The following ADGRL3 variants were observed in gnomAD, a reference collection of about 807,000 sequenced individuals.
ADGRL3 encodes the protein calcium-independent alpha-latrotoxin receptor 3.
ADGRL3 carries 62 observed loss-of-function variants against 153.5 expected under a neutral mutation model. The observed-to-expected ratio is 0.40, with a 90% CI of 0.33 to 0.50. ADGRL3 has a LOEUF of 0.50. Among genes scored for constraint, ADGRL3 ranks in the 20% least tolerant of loss-of-function variants. The pLI is 0.47. For missense variants in ADGRL3, 1,641 were observed against 1,859.4 expected, an observed-to-expected ratio of 0.88 and a Z score of 2.16; for synonymous variants, 710 against 672.5, an observed-to-expected ratio of 1.06 and a Z score of -0.86.
chr4:61,480,771 A>C (rs1308208490), intron 2 of ADGRL3, among the ~76,000 whole-genome samples: 1 of 151,844 alleles, frequency 6.6e-6, no homozygotes, highest in African/African-American at 2.4e-5. Flanking sequence ...TGACAGAGGG[A>C]GACTCCTTCT....
chr4:61,733,565 C>A lies in ADGRL3; in HGVS notation c.1399+11C>A. 1.3e-6 allele frequency: 2 copies of A among 1,567,646 alleles called. No homozygotes were observed. Among genetic ancestry groups the A allele is most frequent in the Non-Finnish European group, 1.7e-6 (2 of 1,143,464 alleles). ...TGGATAGTAGATCAGGTAAGTTCAA[C>A]CTTTTGTGGTACTCTTTGGGGAAAT... On this transcript the variant is annotated intron_variant, in intron 8 of 26. Coordinates refer to ENST00000683033, the MANE Select transcript of ADGRL3 (RefSeq NM_001387552.1).
intron 8 of ADGRL3, among the ~76,000 whole-genome samples, chr4:61,760,439 G>A (rs111955479): frequency 0.087 from 13,245 of 152,184 alleles, 1,222 homozygotes; most frequent in African/African-American, 0.23. Flanking sequence ...GGCTCCGTGG[G>A]CGTAGGACCC....
At chr4:61,257,689 G>A (rs1309148981) in intron 1 of ADGRL3, among the ~76,000 whole-genome samples, 1 of 152,120 alleles carries the variant, frequency 6.6e-6, no homozygotes, top group East Asian at 1.9e-4. Context: ...GATATGATGA[G>A]TAACAGTTGA....
At chr4:61,522,643 T>C (rs2098537951) in intron 4 of ADGRL3, among the ~76,000 whole-genome samples, 2 of 152,080 alleles carry the variant, frequency 1.3e-5, no homozygotes. Flanking sequence ...TTGCACATTA[T>C]GAGATCACTA....
chr4:61,238,195 T>G (rs926828708), intron 1 of ADGRL3, among the ~76,000 whole-genome samples: 43 of 152,132 alleles, frequency 2.8e-4, no homozygotes, highest in Non-Finnish European at 2.6e-4. Flanking sequence ...CTGCAGCAAA[T>G]AGAACCACCG....
At chr4:61,848,114 A>T (rs1405987287) in intron 9 of ADGRL3, among the ~76,000 whole-genome samples, 70 of 111,124 alleles carry the variant, frequency 6.3e-4, no homozygotes, top group Middle Eastern at 7.8e-3. Context: ...TATAATATAT[A>T]TATTAGAGGA....
At chr4:61,469,358 A>C (rs776230740) in intron 2 of ADGRL3, among the ~76,000 whole-genome samples, 1 of 152,114 alleles carries the variant, frequency 6.6e-6, no homozygotes, top group Non-Finnish European at 1.5e-5. Context: ...ACCTTTGCCA[A>C]GTGTTTTGAG....
At chr4:61,763,075 T>A (rs2096931717) in intron 8 of ADGRL3, among the ~76,000 whole-genome samples, 1 of 152,190 alleles carries the variant, frequency 6.6e-6, no homozygotes, top group Non-Finnish European at 1.5e-5. Flanking sequence ...ACCACATTTC[T>A]CTTTTTAAAT....
chr4:61,719,459 A>G (rs189548805), intron 6 of ADGRL3, among the ~76,000 whole-genome samples: 23 of 152,324 alleles, frequency 1.5e-4, no homozygotes, highest in African/African-American at 5.1e-4. Flanking sequence ...TGCTTCTTCT[A>G]CAAGTGTACT....
chr4:61,726,200 T>A (rs2096334325), intron 6 of ADGRL3, among the ~76,000 whole-genome samples: 1 of 137,596 alleles, frequency 7.3e-6, no homozygotes, highest in Non-Finnish European at 1.6e-5. Flanking sequence ...TCACTGGAAC[T>A]TTTTTTTTTG....
chr4:61,963,847 G>T (rs1260080479), intron 17 of ADGRL3, among the ~76,000 whole-genome samples: 1 of 152,148 alleles, frequency 6.6e-6, no homozygotes, highest in African/African-American at 2.4e-5. Context: ...AGGTTCATCT[G>T]CAATTCTAGT....
intron 2 of ADGRL3, among the ~76,000 whole-genome samples, chr4:61,413,696 G>A (rs2097113205): frequency 6.6e-6 from 1 of 152,060 alleles, no homozygotes; most frequent in African/African-American, 2.4e-5. Context: ...ATATCTGTTG[G>A]TGTTTCCATG....
At chr4:61,595,914 T>G (rs2098987206) in intron 5 of ADGRL3, among the ~76,000 whole-genome samples, 1 of 152,106 alleles carries the variant, frequency 6.6e-6, no homozygotes, top group African/African-American at 2.4e-5. Flanking sequence ...CCCAGCATGG[T>G]TTAATTCTCT....
At chr4:61,637,021 C>T (rs2093451572) in intron 5 of ADGRL3, among the ~76,000 whole-genome samples, 1 of 152,014 alleles carries the variant, frequency 6.6e-6, no homozygotes, top group Non-Finnish European at 1.5e-5. Flanking sequence ...TGAAAGTAGA[C>T]TGTGATATAT....
chr4:61,534,215 T>C (rs2098641198), intron 4 of ADGRL3, among the ~76,000 whole-genome samples: 1 of 152,150 alleles, frequency 6.6e-6, no homozygotes, highest in Non-Finnish European at 1.5e-5. Context: ...CCTTTCTCCA[T>C]TGTTTATTTT....
At chr4:61,905,074 A>G (rs965297649) in intron 11 of ADGRL3, among the ~76,000 whole-genome samples, 2 of 152,202 alleles carry the variant, frequency 1.3e-5, no homozygotes, top group Admixed American at 6.5e-5. Context: ...ATAAGAGTAT[A>G]ACAGGTGAAA....
chr4:61,850,755 T>C (rs536245824), intron 9 of ADGRL3, among the ~76,000 whole-genome samples: 1 of 152,176 alleles, frequency 6.6e-6, no homozygotes, highest in Non-Finnish European at 1.5e-5. Context: ...AGAAGGATTG[T>C]AGTTAAGTGG....
chr4:61,700,528 G>T (rs533054821), intron 6 of ADGRL3, among the ~76,000 whole-genome samples: 1 of 152,148 alleles, frequency 6.6e-6, no homozygotes, highest in Non-Finnish European at 1.5e-5. Flanking sequence ...GATGAATGCC[G>T]TACTATGGAT....
chr4:61,712,948 A>C (rs1212689977), intron 6 of ADGRL3, among the ~76,000 whole-genome samples: 4 of 152,342 alleles, frequency 2.6e-5, no homozygotes, highest in African/African-American at 9.6e-5. Flanking sequence ...TCAAGACTGT[A>C]TGTCAGTCAA....
Sources: allele counts gnomAD v4.1 joint callset (sites outside exome capture counted in the v4.1 genomes callset), GRCh38; gene constraint gnomAD v4.1.1; transcripts MANE v1.5; gene names NCBI Gene and HGNC (gene_info 2026-07-23, HGNC 2026-07-21).